HACD1: variants seen among roughly 807,000 people sequenced by gnomAD.
HACD1 encodes very-long-chain (3R)-3-hydroxyacyl-CoA dehydratase 1.
Under a neutral mutation model 32.0 loss-of-function variants are expected in HACD1, and 41 were observed. The ratio of observed to expected loss-of-function variants is 1.28; its 90% CI spans 1.00 to 1.66. The LOEUF is 1.66. Ranked by LOEUF, HACD1 falls within the 40% of genes most tolerant of loss-of-function variation. The pLI, the probability that HACD1 is intolerant of heterozygous loss-of-function variation, is 0.00. For synonymous variants in HACD1, 142 were observed against 139.0 expected (o/e 1.02, Z -0.15); for missense variants, 396 against 380.1 (o/e 1.04, Z -0.35).
rs1370903464 is a variant in HACD1, at chr10:17,594,859, TG to T, written c.606-477del. ...GCTAATTTTTGGTGTTTTTTTTTTT[TG>T]TTTTTTGTTTTTTTTTGAGATGGAG... On this transcript the variant is annotated intron_variant, in intron 5 of 6. Coordinates refer to ENST00000361271, the MANE Select transcript of HACD1 (RefSeq NM_014241.4). 2.7e-5 allele frequency among the ~76,000 whole-genome samples: 4 copies of T among 150,142 alleles called. 1 individual carries two copies. The highest frequency in any genetic ancestry group is 4.4e-5 in the Non-Finnish European group (3 of 67,554).
At chr10:17,594,484 CT>C in intron 5 of HACD1, 101 bp from the exon 6 acceptor site, 1 of 890,178 alleles carries the variant, frequency 1.1e-6, no homozygotes, top group South Asian at 4.2e-5. Context: ...TCAAAATTCT[CT>C]TTTCTTTACA....
chr10:17,606,337 T>C (rs1254457812), intron 1 of HACD1, among the ~76,000 whole-genome samples: 16 of 152,242 alleles, frequency 1.1e-4, no homozygotes, highest in African/African-American at 3.6e-4. Context: ...TACTTCTTAC[T>C]CTTCCTAAAG....
chr10:17,596,794 A>G (rs1367249798), intron 5 of HACD1, among the ~76,000 whole-genome samples: 2 of 152,208 alleles, frequency 1.3e-5, no homozygotes, highest in African/African-American at 4.8e-5. Flanking sequence ...GAAAAACCTA[A>G]CTTAATATAT....
At chr10:17,599,202 C>T in intron 5 of HACD1, 88 bp downstream of exon 5, 2 of 1,545,122 alleles carry the variant, frequency 1.3e-6, no homozygotes, top group South Asian at 1.3e-5. Context: ...CATCGTGGGG[C>T]TGAAACACGA....
At chr10:17,594,180 A>G (rs1554815798) in intron 6 of HACD1, 25 bp downstream of exon 6, 1 of 1,351,738 alleles carries the variant, frequency 7.4e-7, no homozygotes, top group East Asian at 2.6e-5. Context: ...ATGTCAAATC[A>G]AAGTACTAAT....
At chr10:17,600,767 C>G (rs551326581) in intron 4 of HACD1, among the ~76,000 whole-genome samples, 1 of 152,286 alleles carries the variant, frequency 6.6e-6, no homozygotes, top group South Asian at 2.1e-4. Flanking sequence ...CTTGCACTCC[C>G]TACGTCAGAC....
rs1554816270 is a variant in HACD1, at chr10:17,599,295, C to T, written c.600G>A (p.Trp200Ter). Residue 200 changes from tryptophan (W) to a stop codon, truncating the protein, a stop_gained, in exon 5 of 7, where the codon TGG becomes TGA. Coordinates refer to ENST00000361271, the MANE Select transcript of HACD1 (RefSeq NM_014241.4). LOFTEE classifies it high-confidence loss of function. Reference sequence around the variant, plus strand: ...AAACTGCAAGATATCGCCACCTGGCCCATTTAATGAAGTATGGCAAGTGGT... The same window carrying T: ...AAACTGCAAGATATCGCCACCTGGCTCATTTAATGAAGTATGGCAAGTGGT... ...LLDHLPYFIKWARYNFFIILY... is the reference protein window; with the variant it reads ...LLDHLPYFIK 1 of 1,613,750 alleles carries T rather than the reference C, an allele frequency of 6.2e-7. No individual in the cohort carries two copies. Among genetic ancestry groups the T allele is most frequent in the South Asian group, 1.1e-5 (1 of 91,060 alleles).
At chr10:17,614,853 C>A (rs1394808038) in intron 1 of HACD1, among the ~76,000 whole-genome samples, 1 of 152,070 alleles carries the variant, frequency 6.6e-6, no homozygotes, top group Admixed American at 6.5e-5. Context: ...CCCGGGTTCA[C>A]GCCATTCTCC....
At chr10:17,590,820 C>G (rs1403189801) in intron 6 of HACD1, among the ~76,000 whole-genome samples, 1 of 152,018 alleles carries the variant, frequency 6.6e-6, no homozygotes, top group African/African-American at 2.4e-5. Flanking sequence ...TACAGGCATG[C>G]ATCACCACCA....
intron 6 of HACD1, 62 bp from the exon 7 acceptor site, chr10:17,590,508 AC>A: frequency 7.9e-7 from 1 of 1,268,878 alleles, no homozygotes; most frequent in Non-Finnish European, 1.1e-6. Context: ...TATACTTGAA[AC>A]CTGTTAAATG....
chr10:17,600,427 C>A (rs1259510236), intron 4 of HACD1, among the ~76,000 whole-genome samples: 2 of 152,110 alleles, frequency 1.3e-5, no homozygotes, highest in African/African-American at 2.4e-5. Flanking sequence ...GCAACCTCCA[C>A]GTCCTAGGTT....
chr10:17,603,503 C>G, intron 4 of HACD1, 57 bp downstream of exon 4: 1 of 1,418,826 alleles, frequency 7.0e-7, no homozygotes, highest in Non-Finnish European at 9.8e-7. Context: ...TTTTAGATTC[C>G]TATGAATGGA....
chr10:17,600,292 C>A (rs1364684992), intron 4 of HACD1, among the ~76,000 whole-genome samples: 3 of 152,204 alleles, frequency 2.0e-5, no homozygotes, highest in African/African-American at 7.2e-5. Flanking sequence ...TCTCCTCTCA[C>A]CCTGAGCAGT....
intron 5 of HACD1, among the ~76,000 whole-genome samples, chr10:17,596,483 GA>G (rs1833996379): frequency 1.5e-5 from 2 of 136,770 alleles, no homozygotes; most frequent in East Asian, 2.0e-4. Flanking sequence ...GTTTTCAAAA[GA>G]TTTTTTTTTT....
chr10:17,591,939 C>G (rs1833932893), intron 6 of HACD1, among the ~76,000 whole-genome samples: 1 of 146,700 alleles, frequency 6.8e-6, no homozygotes, highest in Non-Finnish European at 1.5e-5. Flanking sequence ...AAGGTATGGG[C>G]TTGAGTTCAA....
At chr10:17,613,666 C>G (rs1833024903) in intron 1 of HACD1, among the ~76,000 whole-genome samples, 1 of 152,134 alleles carries the variant, frequency 6.6e-6, no homozygotes, top group African/African-American at 2.4e-5. Flanking sequence ...AAGGAAACTT[C>G]TCAGTAGAGG....
At chr10:17,591,683 A>G (rs961379286) in intron 6 of HACD1, among the ~76,000 whole-genome samples, 13 of 152,248 alleles carry the variant, frequency 8.5e-5, no homozygotes, top group African/African-American at 3.1e-4. Context: ...ATGCCAGTGT[A>G]AAAATATTTC....
intron 1 of HACD1, among the ~76,000 whole-genome samples, chr10:17,604,289 T>A (rs1341064053): frequency 6.6e-6 from 1 of 151,966 alleles, no homozygotes; most frequent in African/African-American, 2.4e-5. Flanking sequence ...ATCGAGACCA[T>A]CCTGGCTAAC....
chr10:17,604,083 A>G (rs1554816849), intron 1 of HACD1, 36 bp from the exon 2 acceptor site: 1 of 1,333,610 alleles, frequency 7.5e-7, no homozygotes, highest in African/African-American at 1.5e-5. Flanking sequence ...GTTCTTTCGA[A>G]CTTAATACCA....
Sources: gnomAD v4.1 joint callset for allele counts (sites outside exome capture counted in the v4.1 genomes callset) on GRCh38, gnomAD v4.1.1 for gene constraint, MANE v1.5 for transcripts, NCBI Gene and HGNC (gene_info 2026-07-23, HGNC 2026-07-21) for gene names.